The following SCLY variants were observed in gnomAD, a reference collection of about 807,000 sequenced individuals.
The protein encoded by SCLY is selenocysteine lyase.
A neutral mutation model predicts 50.1 loss-of-function variants in SCLY; 38 were observed. That is an observed-to-expected ratio of 0.76 (90% confidence interval 0.59 to 0.99). The LOEUF is 0.99. Ranked by LOEUF, SCLY falls within the 50% of genes least tolerant of loss-of-function variation. The pLI is 0.00. For synonymous variants in SCLY, 243 were observed against 249.4 expected, an observed-to-expected ratio of 0.97 and a Z score of 0.24; for missense variants, 600 against 620.0, an observed-to-expected ratio of 0.97 and a Z score of 0.34.
chr2:238,083,489 G>T lies in SCLY; in HGVS notation c.884+135G>T. The T allele has an allele frequency of 3.0e-6, 2 of 677,340 alleles. No individual in the cohort carries two copies. The highest frequency in any genetic ancestry group is 5.3e-5 in the East Asian group (2 of 38,024). The allele number at this position is 677,340 out of a possible 1,614,324, so 42.0% of individuals were successfully genotyped here. On this transcript the variant is annotated intron_variant, in intron 7 of 11. Coordinates refer to ENST00000254663, the MANE Select transcript of SCLY (RefSeq NM_016510.7). The surrounding 1 kb of genome is among the most constrained non-coding windows in gnomAD (Gnocchi z 4.3). ...GCATGTCCACACTGCTGCTGTGTCA[G>T]AACTGGCTCCACTGATTGATTTTAC...
intron 10 of SCLY, chr2:238,096,311 A>C (rs1296215552): frequency 1.5e-5 from 3 of 195,872 alleles, no homozygotes; most frequent in Admixed American, 5.4e-5. Context: ...TTGGCCTCCC[A>C]AAGTGCTGGG....
chr2:238,063,862 A>G (rs1484668067), intron 1 of SCLY, among the ~76,000 whole-genome samples: 1 of 152,222 alleles, frequency 6.6e-6, no homozygotes, highest in African/African-American at 2.4e-5. Context: ...TCAGATGGGT[A>G]ATCTGGGCCC....
intron 4 of SCLY, chr2:238,073,654 T>C (rs75450027): frequency 0.011 from 4,351 of 411,958 alleles, 167 homozygotes; most frequent in African/African-American, 0.085. Flanking sequence ...TGCTAATGTA[T>C]GTAAATGTAG....
chr2:238,098,243 T>G lies in SCLY; in HGVS notation c.1226T>G (p.Val409Gly), dbSNP rs2065460733. The change falls in exon 12 of 12, where the codon GTG becomes GGG. Residue 409 changes from valine to glycine, a missense_variant. By Grantham distance (109) the Val-to-Gly change is moderately radical. Coordinates refer to ENST00000254663, the MANE Select transcript of SCLY (RefSeq NM_016510.7). ...CTGAGCTACGGTGTCCCCTTCGACG[T>G]GGCCAGGAACGCGCTCCGGCTCAGC... ...VLLSYGVPFDVARNALRLSVG... is the reference protein window; with the variant it reads ...VLLSYGVPFDGARNALRLSVG... 2.5e-6 allele frequency: 4 copies of G among 1,611,064 alleles called. No individual in the cohort carries two copies. The East Asian group carries it at 8.9e-5, about 36-fold the overall frequency.
chr2:238,079,661 T>A (rs981207013), intron 4 of SCLY: 1 of 152,254 alleles, frequency 6.6e-6, no homozygotes, highest in African/African-American at 2.4e-5. Flanking sequence ...TGCCCTTTTT[T>A]TCCTTTACTT....
At chr2:238,090,743 T>G (rs2065353019) in intron 7 of SCLY, among the ~76,000 whole-genome samples, 1 of 152,188 alleles carries the variant, frequency 6.6e-6, no homozygotes, top group Non-Finnish European at 1.5e-5. Flanking sequence ...CCATTGTCTT[T>G]AGGGGTCTCT....
chr2:238,086,933 C>T (rs1264315730), intron 7 of SCLY, among the ~76,000 whole-genome samples: 1 of 150,848 alleles, frequency 6.6e-6, no homozygotes, highest in Non-Finnish European at 1.5e-5. Flanking sequence ...GCAGGAGAAT[C>T]GCTTGAACCC....
At position 238,098,505 on chromosome 2, in the gene SCLY, C is replaced by T. The variant is rs942652656; in HGVS notation, c.*150C>T. On this transcript the variant is annotated 3_prime_UTR_variant, in exon 12 of 12. Coordinates refer to ENST00000254663, the MANE Select transcript of SCLY (RefSeq NM_016510.7). ...TGGAGTGCCAGCGAGTGTGCACCCC[C>T]AGTTTCCTTCCCTGGACCCCTGCAG... The T allele has an allele frequency of 1.7e-5, 15 of 905,762 alleles. No homozygotes were observed. Among genetic ancestry groups the T allele is most frequent in the Non-Finnish European group, 2.2e-5 (14 of 622,882 alleles). The allele number at this position is 905,762 out of a possible 1,614,324, so 56.1% of individuals were successfully genotyped here.
At chr2:238,091,558 A>ACTG in intron 8 of SCLY, 1 of 319,026 alleles carries the variant, frequency 3.1e-6, no homozygotes, top group South Asian at 4.0e-5. Flanking sequence ...ACCATTCCCA[A>ACTG]AGGCGTCGGC....
chr2:238,096,846 G>C lies in SCLY; in HGVS notation c.1154G>C (p.Gly385Ala), dbSNP rs781741815. ...TGCCGAGTGCTGATGGCCAGTGTGG[G>C]GGCCGCGTGCCACTCGGACCACGGG... ...AQCRVLMASV[G>A]AACHSDHGDQ... Residue 385 changes from glycine (G) to alanine (A), a missense_variant, in exon 11 of 12, where the codon GGG becomes GCG. Coordinates refer to ENST00000254663, the MANE Select transcript of SCLY (RefSeq NM_016510.7). 1.9e-6 allele frequency: 3 copies of C among 1,612,376 alleles called. No individual in the cohort carries two copies. In the South Asian group the frequency reaches 3.3e-5, roughly 18 times the overall value.
chr2:238,086,871 G>T (rs546314923), intron 7 of SCLY, among the ~76,000 whole-genome samples: 1 of 151,846 alleles, frequency 6.6e-6, no homozygotes, highest in Non-Finnish European at 1.5e-5. Flanking sequence ...AATATAAAAT[G>T]AGCCGGGTGT....
chr2:238,091,121 G>A (rs775945071), intron 7 of SCLY, 97 bp from the exon 8 acceptor site: 116 of 1,139,248 alleles, frequency 1.0e-4, no homozygotes, highest in Non-Finnish European at 1.5e-4. Flanking sequence ...AAGATGTAGC[G>A]TGAGTTTGAT....
Position 238,082,153 on chromosome 2 carries a change from C to A in SCLY, c.721C>A (p.Gln241Lys), listed in dbSNP as rs761036731. ...GGATGCTGCACAGGCCTTGGGGAAG[C>A]AGCGCGTGGATGTGGAGGACCTGGG... The part of the protein sequence containing the change: ...HTDAAQALGK[Q>K]RVDVEDLGVD... The change falls in exon 6 of 12, where the codon CAG (glutamine) becomes AAG (lysine). Residue 241 changes from glutamine to lysine, a missense_variant. By Grantham distance (53) the Gln-to-Lys change is moderately conservative. Coordinates refer to ENST00000254663, the MANE Select transcript of SCLY (RefSeq NM_016510.7). 3.7e-6 allele frequency: 6 copies of A among 1,612,506 alleles called. No homozygotes were observed. The highest frequency in any genetic ancestry group is 5.1e-6 in the Non-Finnish European group (6 of 1,179,966).
chr2:238,069,525 T>C lies in SCLY; in HGVS notation c.484+48T>C. The C allele has an allele frequency of 6.5e-7, 1 of 1,527,434 alleles. No individual in the cohort carries two copies. Among genetic ancestry groups the C allele is most frequent in the Non-Finnish European group, 8.8e-7 (1 of 1,135,198 alleles). The allele number at this position is 1,527,434 out of a possible 1,614,324, so 94.6% of individuals were successfully genotyped here. ...TGGGACCAGCCTGCTGAGCTCCAGC[T>C]GCGAGGCGGGAAGTGGCCTGCGAGC... On this transcript the variant is annotated intron_variant, in intron 4 of 11. Transcript: ENST00000254663. This position sits in a 1 kb window ranked among gnomAD's most constrained non-coding sequence, Gnocchi z 5.0.
Position 238,083,190 on chromosome 2 carries a change from A to T in SCLY, c.778-58A>T. 2 of 1,190,480 alleles carry T rather than the reference A, an allele frequency of 1.7e-6. No individual in the cohort carries two copies. Among genetic ancestry groups the T allele is most frequent in the Non-Finnish European group, 1.3e-6 (1 of 794,070 alleles). The allele number at this position is 1,190,480 out of a possible 1,614,324, so 73.7% of individuals were successfully genotyped here. A position where few individuals can be genotyped will look rare whatever the true frequency, so the allele number is the denominator to read the frequency against. On this transcript the variant is annotated intron_variant, in intron 6 of 11. Coordinates refer to ENST00000254663, the MANE Select transcript of SCLY (RefSeq NM_016510.7). The surrounding 1 kb of genome is among the most constrained non-coding windows in gnomAD (Gnocchi z 4.3). Reference sequence around the variant, plus strand: ...GTGTGCCCCTAAGCACTTAGCATGTATACAGAGTAGGTCCTTGGAAAGTTC... The same window carrying T: ...GTGTGCCCCTAAGCACTTAGCATGTTTACAGAGTAGGTCCTTGGAAAGTTC...
rs574098746 is a variant in SCLY, at chr2:238,064,398, C to T, written c.131C>T (p.Pro44Leu). ...MDYNATTPLE[P>L]EVIQAMTKAM... is the part of the protein sequence containing the mutation. Reference sequence around the variant, plus strand: ...TATAATGCAACGACTCCCCTGGAGCCAGAAGTTATCCAGGCCATGACCAAG... The same window carrying T: ...TATAATGCAACGACTCCCCTGGAGCTAGAAGTTATCCAGGCCATGACCAAG... Residue 44 changes from proline to leucine, a missense_variant, in exon 2 of 12, where the codon CCA (proline) becomes CTA (leucine). By Grantham distance (98) the Pro-to-Leu change is moderately conservative. Transcript: ENST00000254663. 30 of 1,610,610 alleles carry T rather than the reference C, an allele frequency of 1.9e-5. No homozygotes were observed. The Admixed American group carries it at 5.0e-4, about 27-fold the overall frequency.
intron 4 of SCLY, among the ~76,000 whole-genome samples, chr2:238,076,312 G>A (rs1310178843): frequency 3.3e-5 from 5 of 151,958 alleles, no homozygotes; most frequent in Non-Finnish European, 7.4e-5. Context: ...GGCTTGTCTC[G>A]AACTCCTGAA....
At chr2:238,065,755 A>G (rs2065065928) in intron 2 of SCLY, among the ~76,000 whole-genome samples, 1 of 150,972 alleles carries the variant, frequency 6.6e-6, no homozygotes, top group African/African-American at 2.4e-5. Context: ...GGTCAATGCA[A>G]CCTCCGCCTC....
At chr2:238,082,239 G>A (rs367874650) in intron 6 of SCLY, 30 bp downstream of exon 6, 4 of 1,557,920 alleles carry the variant, frequency 2.6e-6, no homozygotes, top group East Asian at 4.7e-5. Context: ...CTGCCTCTGT[G>A]GGCAGAGCCT....
Sources: allele counts gnomAD v4.1 joint callset (sites outside exome capture counted in the v4.1 genomes callset), GRCh38; gene constraint gnomAD v4.1.1; non-coding constraint Gnocchi (gnomAD v3.1); transcripts MANE v1.5; gene names NCBI Gene and HGNC (gene_info 2026-07-23, HGNC 2026-07-21).